The following NUP160 variants were observed in gnomAD, a reference collection of about 807,000 sequenced individuals.
NUP160 encodes the protein nucleoporin 160, also known as nuclear pore complex protein Nup160.
Under a neutral mutation model 196.9 loss-of-function variants are expected in NUP160, and 94 were observed. The ratio of observed to expected loss-of-function variants is 0.48; its 90% confidence interval spans 0.40 to 0.57. The LOEUF (loss-of-function observed/expected upper bound fraction) is 0.57, where lower values mean the gene tolerates loss of function less well. Ranked by LOEUF, NUP160 falls within the 20% of genes least tolerant of loss-of-function variation. NUP160 has a pLI of 0.00. For synonymous variants in NUP160, 605 were observed against 619.7 expected, an observed-to-expected ratio of 0.98 and a Z score of 0.35; for missense variants, 1,638 against 1,748.3, an observed-to-expected ratio of 0.94 and a Z score of 1.13.
intron 2 of NUP160, chr11:47,841,560 C>G (rs1341251407): frequency 4.7e-6 from 2 of 426,698 alleles, no homozygotes; most frequent in Non-Finnish European, 9.3e-6. Context: ...CAGCAGCAAA[C>G]TGGGATGGAT....
chr11:47,843,351 T>C (rs1425073599), intron 2 of NUP160, among the ~76,000 whole-genome samples: 1 of 152,200 alleles, frequency 6.6e-6, no homozygotes, highest in Non-Finnish European at 1.5e-5. Context: ...GTTTCTCATC[T>C]TGCCTGGCTT....
chr11:47,803,142 A>AAGT (rs1555000656), intron 22 of NUP160, among the ~76,000 whole-genome samples: 14 of 139,058 alleles, frequency 1.0e-4, no homozygotes, highest in Non-Finnish European at 1.8e-4. Flanking sequence ...TGATTTTACA[A>AAGT]AATAATAATA....
intron 7 of NUP160, among the ~76,000 whole-genome samples, chr11:47,823,675 C>T (rs1851908349): frequency 6.6e-6 from 1 of 152,026 alleles, no homozygotes; most frequent in Admixed American, 6.6e-5. Flanking sequence ...GCTGGGACTA[C>T]AGGCGCCTGT....
At chr11:47,841,284 C>G (rs1489213319) in intron 2 of NUP160, 2 of 275,502 alleles carry the variant, frequency 7.3e-6, no homozygotes, top group African/African-American at 2.3e-5. Context: ...AGCCACAGAT[C>G]TCACTGCTGC....
chr11:47,841,695 G>T, intron 2 of NUP160: 1 of 295,752 alleles, frequency 3.4e-6, no homozygotes, highest in South Asian at 3.8e-5. Context: ...TTGTTTGTTT[G>T]TTTGTTTTTT....
chr11:47,829,900 A>G (rs1410469935), intron 7 of NUP160, among the ~76,000 whole-genome samples: 2 of 152,238 alleles, frequency 1.3e-5, no homozygotes, highest in Non-Finnish European at 2.9e-5. Context: ...GCTTCTGCAC[A>G]GTAAAAGAAA....
chr11:47,840,060 C>T, exon 4 of NUP160: 1 of 1,608,842 alleles, frequency 6.2e-7, no homozygotes, highest in South Asian at 1.1e-5. Flanking sequence ...TGTCAACTAC[C>T]AACTCCTGTT....
chr11:47,829,336 G>A (rs1852031463), intron 7 of NUP160, among the ~76,000 whole-genome samples: 2 of 152,174 alleles, frequency 1.3e-5, no homozygotes. Flanking sequence ...TTTTGAGACA[G>A]AATCTTGCTC....
intron 11 of NUP160, among the ~76,000 whole-genome samples, chr11:47,816,564 C>T (rs1216646685): frequency 5.9e-5 from 9 of 152,120 alleles, no homozygotes; most frequent in African/African-American, 2.2e-4. Flanking sequence ...CATTTGAGGC[C>T]AGGAGTTCGA....
At chr11:47,839,685 T>A in intron 4 of NUP160, 158 bp downstream of exon 4, 1 of 665,850 alleles carries the variant, frequency 1.5e-6, no homozygotes, top group Admixed American at 2.5e-5. Context: ...ATCCACTGTA[T>A]AAAAGTAAAG....
chr11:47,833,643 T>C (rs1027532066), intron 7 of NUP160, among the ~76,000 whole-genome samples: 1 of 152,148 alleles, frequency 6.6e-6, no homozygotes, highest in African/African-American at 2.4e-5. Context: ...GATAATATCA[T>C]CAATGATAAT....
At chr11:47,847,672 T>G (rs1852426425) in intron 2 of NUP160, among the ~76,000 whole-genome samples, 176 bp downstream of exon 2, 1 of 146,862 alleles carries the variant, frequency 6.8e-6, no homozygotes, top group Admixed American at 6.9e-5. Context: ...GGGAGAGGTA[T>G]CTCTTCTAGA....
At chr11:47,791,034 T>C (rs2097667610) in intron 29 of NUP160, among the ~76,000 whole-genome samples, 1 of 152,216 alleles carries the variant, frequency 6.6e-6, no homozygotes, top group East Asian at 1.9e-4. Flanking sequence ...CCTTTTTTTA[T>C]AGCAATACTG....
upstream of NUP160, chr11:47,848,500 G>A (rs1331233804): frequency 2.4e-5 from 27 of 1,131,858 alleles, no homozygotes; most frequent in Non-Finnish European, 3.3e-5. Context: ...GAGGAATCCA[G>A]AAGAGAAGGG....
chr11:47,840,182 ATTC>A lies in NUP160; in HGVS notation c.526-120_526-118del, dbSNP rs555082860. On this transcript the variant is annotated intron_variant, in intron 3 of 35. Coordinates refer to ENST00000378460, the Ensembl canonical transcript of NUP160. ...AAAAACTGTCAAGTTTAAGAAAGCT[ATTC>A]TTCTTAATGAAAACTAATTCTCAAC... 872 of 875,878 alleles carry A rather than the reference ATTC, an allele frequency of 1.0e-3. 2 individuals are homozygous for A. Among genetic ancestry groups the A allele is most frequent in the Non-Finnish European group, 1.4e-3 (780 of 555,866 alleles). The allele number at this position is 875,878 out of a possible 1,614,324, so 54.3% of individuals were successfully genotyped here.
At chr11:47,787,998 A>G (rs970796772) in intron 31 of NUP160, among the ~76,000 whole-genome samples, 184 bp downstream of exon 31, 1 of 152,198 alleles carries the variant, frequency 6.6e-6, no homozygotes, top group African/African-American at 2.4e-5. Flanking sequence ...CTGGGATTAC[A>G]GGCGTGAGCC....
At chr11:47,837,057 G>C (rs1852191164) in intron 5 of NUP160, 56 bp from the exon 6 acceptor site, 2 of 971,602 alleles carry the variant, frequency 2.1e-6, no homozygotes, top group Non-Finnish European at 3.2e-6. Flanking sequence ...CTGATCATTA[G>C]AATTTGCAAT....
intron 4 of NUP160, 86 bp from the exon 5 acceptor site, chr11:47,837,709 A>G: frequency 1.0e-6 from 1 of 972,416 alleles, no homozygotes; most frequent in South Asian, 1.3e-5. Context: ...GGTCTTTATA[A>G]TAGGCAACAG....
At chr11:47,812,638 C>T (rs2097681826) in intron 15 of NUP160, among the ~76,000 whole-genome samples, 4 of 152,158 alleles carry the variant, frequency 2.6e-5, no homozygotes, top group Admixed American at 2.6e-4. Context: ...GAGAAGAACA[C>T]TTTTGCTTTT....
Sources: gnomAD v4.1 joint callset for allele counts (sites outside exome capture counted in the v4.1 genomes callset) on GRCh38, gnomAD v4.1.1 for gene constraint, MANE v1.5 for transcripts, NCBI Gene and HGNC (gene_info 2026-07-23, HGNC 2026-07-21) for gene names.